Variants in TBC1D19 observed in about 807,000 individuals in gnomAD.
The protein encoded by TBC1D19 is TBC1 domain family, member 19.
TBC1D19 carries 60 observed loss-of-function variants against 89.0 expected under a neutral mutation model. That is an observed-to-expected ratio of 0.67 (90% CI 0.55 to 0.84). The LOEUF is 0.84. Ranked by LOEUF, TBC1D19 falls within the 40% of genes least tolerant of loss-of-function variation. The pLI, the probability that TBC1D19 is intolerant of heterozygous loss-of-function variation, is 0.00. For synonymous variants in TBC1D19, 189 were observed against 199.7 expected (o/e 0.95, Z 0.45); for missense variants, 500 against 610.8 (o/e 0.82, Z 1.91).
At position 26,614,438 on chromosome 4, in the gene TBC1D19, A is replaced by G. The variant is rs752773650; in HGVS notation, c.203A>G (p.Tyr68Cys). ...GWEKKLQNAV[Y>C]SELSVFPLPS... ...GAGAAGAAACTTCAGAATGCTGTTT[A>G]TAGTGAACTGAGTGTGTGAGTTTTC... The change falls in exon 3 of 21, where the codon TAT becomes TGT. Residue 68 changes from tyrosine (Y) to cysteine (C), a missense_variant. Coordinates refer to ENST00000264866, the MANE Select transcript of TBC1D19 (RefSeq NM_018317.4). 1.3e-6 allele frequency: 2 copies of G among 1,594,630 alleles called. No individual in the cohort carries two copies. Among genetic ancestry groups the G allele is most frequent in the African/African-American group, 1.3e-5 (1 of 74,712 alleles).
At chr4:26,653,763 G>A (rs139394481) in intron 7 of TBC1D19, among the ~76,000 whole-genome samples, 1 of 152,172 alleles carries the variant, frequency 6.6e-6, no homozygotes. Flanking sequence ...GAGCCTATGT[G>A]TGTCTCTGCA....
At chr4:26,845,216 A>G in the TBC1D19 span, among the ~76,000 whole-genome samples, 1 of 152,110 alleles carries the variant, frequency 6.6e-6, no homozygotes, top group African/African-American at 2.4e-5. Flanking sequence ...TTACCATTAT[A>G]TTGCTTCTGA....
intron 16 of TBC1D19, 45 bp from the exon 17 acceptor site, chr4:26,739,819 A>T (rs770539073): frequency 5.4e-5 from 58 of 1,072,372 alleles, no homozygotes; most frequent in Non-Finnish European, 7.5e-5. Flanking sequence ...TTATCTTAAC[A>T]TTTCAGTAGT....
At chr4:26,793,465 C>T in the TBC1D19 span, among the ~76,000 whole-genome samples, 1 of 152,178 alleles carries the variant, frequency 6.6e-6, no homozygotes, top group African/African-American at 2.4e-5. Context: ...TGGCTCATGC[C>T]TGTAATCTCA....
At chr4:26,668,253 G>C (rs1479559784) in intron 9 of TBC1D19, among the ~76,000 whole-genome samples, 3 of 151,964 alleles carry the variant, frequency 2.0e-5, no homozygotes, top group Non-Finnish European at 4.4e-5. Context: ...ACACAGCCTT[G>C]AGTTATATTT....
At chr4:26,739,681 G>T (rs1021402285) in intron 16 of TBC1D19, among the ~76,000 whole-genome samples, 183 bp from the exon 17 acceptor site, 1 of 151,686 alleles carries the variant, frequency 6.6e-6, no homozygotes, top group African/African-American at 2.4e-5. Context: ...ATATTTAATG[G>T]CTGTTTGAAC....
rs144833756 is a variant in TBC1D19 at position 26,684,575 on chromosome 4, T to C, written c.891+826T>C. On this transcript the variant is annotated intron_variant, in intron 12 of 20. Transcript: ENST00000264866. ...AAAAACAGCTCATAACTGTGTTACATAGAAGTTGAACCAGATTGGTCTGGT... is the reference window on the plus strand; with the variant it reads ...AAAAACAGCTCATAACTGTGTTACACAGAAGTTGAACCAGATTGGTCTGGT... 7.5e-4 allele frequency among the ~76,000 whole-genome samples: 114 copies of C among 152,314 alleles called. 2 individuals are homozygous for C. The East Asian group carries it at 0.021, about 28-fold the overall frequency.
chr4:26,702,504 A>G (rs1475950500), intron 13 of TBC1D19: 1 of 152,238 alleles, frequency 6.6e-6, no homozygotes, highest in Non-Finnish European at 1.5e-5. Context: ...AAGTGTTTAT[A>G]TAAAGCATTA....
At chr4:26,597,655 C>A (rs527888234) in intron 1 of TBC1D19, among the ~76,000 whole-genome samples, 91 of 151,622 alleles carry the variant, frequency 6.0e-4, no homozygotes, top group African/African-American at 2.1e-3. Context: ...TGAGCCACTG[C>A]GCCTGGCCTT....
intron 7 of TBC1D19, among the ~76,000 whole-genome samples, chr4:26,646,122 CAAAAA>C (rs1170955624): frequency 5.7e-4 from 24 of 42,216 alleles, no homozygotes; most frequent in African/African-American, 1.7e-3. Context: ...GACTCCGTCT[CAAAAA>C]AAAAAAAAAA....
the TBC1D19 span, among the ~76,000 whole-genome samples, chr4:26,780,670 G>A: frequency 1.3e-5 from 2 of 152,214 alleles, no homozygotes; most frequent in African/African-American, 4.8e-5. Context: ...CCTGCAACTG[G>A]TCTGAGTAGA....
At chr4:26,590,137 TG>T (rs1301273471) in intron 1 of TBC1D19, among the ~76,000 whole-genome samples, 1 of 152,228 alleles carries the variant, frequency 6.6e-6, no homozygotes, top group Non-Finnish European at 1.5e-5. Context: ...TTTCCTCCTG[TG>T]CTCTGCCAAA....
intron 7 of TBC1D19, among the ~76,000 whole-genome samples, chr4:26,646,581 G>A (rs1454630867): frequency 6.6e-6 from 1 of 152,096 alleles, no homozygotes; most frequent in East Asian, 1.9e-4. Flanking sequence ...ATCAATAATA[G>A]ACTGGATTAA....
chr4:26,723,069 T>C (rs1717078367), intron 15 of TBC1D19, among the ~76,000 whole-genome samples: 1 of 152,140 alleles, frequency 6.6e-6, no homozygotes, highest in South Asian at 2.1e-4. Context: ...TCTAGAAAGA[T>C]TTTCATCCAG....
intron 2 of TBC1D19, among the ~76,000 whole-genome samples, 193 bp from the exon 3 acceptor site, chr4:26,614,215 A>C (rs1741539995): frequency 6.6e-6 from 1 of 152,222 alleles, no homozygotes; most frequent in Non-Finnish European, 1.5e-5. Flanking sequence ...TTTGCTACTC[A>C]GTGTTAGACA....
intron 20 of TBC1D19, 106 bp from the exon 21 acceptor site, chr4:26,754,767 C>T: frequency 1.2e-6 from 1 of 839,402 alleles, no homozygotes. Flanking sequence ...AGATTTAGGA[C>T]AAATCCAAAG....
At chr4:26,578,144 T>A (rs1164067128) in intron 1 of TBC1D19, among the ~76,000 whole-genome samples, 2 of 152,216 alleles carry the variant, frequency 1.3e-5, no homozygotes, top group Non-Finnish European at 2.9e-5. Flanking sequence ...AACAGGCTTT[T>A]GGTCCCTGCC....
At chr4:26,669,576 A>T (rs954330750) in intron 9 of TBC1D19, among the ~76,000 whole-genome samples, 2 of 151,798 alleles carry the variant, frequency 1.3e-5, no homozygotes, top group Admixed American at 1.3e-4. Flanking sequence ...AGCATTTAAA[A>T]AGCAAAATTA....
At chr4:26,677,573 G>A (rs1226025591) in intron 11 of TBC1D19, among the ~76,000 whole-genome samples, 3 of 152,006 alleles carry the variant, frequency 2.0e-5, no homozygotes, top group East Asian at 3.9e-4. Flanking sequence ...CGCCTGCCTC[G>A]GCCTCCCAAT....
Sources: gnomAD v4.1 joint callset for allele counts (sites outside exome capture counted in the v4.1 genomes callset) on GRCh38, gnomAD v4.1.1 for gene constraint, MANE v1.5 for transcripts, NCBI Gene and HGNC (gene_info 2026-07-23, HGNC 2026-07-21) for gene names.